The following ATG4B variants were observed in gnomAD, a reference collection of about 807,000 sequenced individuals.
ATG4B encodes the protein autophagy related 4B cysteine peptidase.
A neutral mutation model predicts 56.6 loss-of-function variants in ATG4B; 29 were observed. That is an observed-to-expected ratio of 0.51 (90% confidence interval 0.38 to 0.70). The LOEUF (loss-of-function observed/expected upper bound fraction) is 0.70. ATG4B is among the 30% of genes least tolerant of loss of function. ATG4B has a pLI of 0.00. For missense variants in ATG4B, 461 were observed against 515.5 expected (o/e 0.89, Z 1.02); for synonymous variants, 224 against 206.1 (o/e 1.09, Z -0.74).
intron 8 of ATG4B, among the ~76,000 whole-genome samples, chr2:241,667,166 C>A (rs1211362178): frequency 6.6e-6 from 1 of 152,180 alleles, no homozygotes. Flanking sequence ...GTGCCCCAGG[C>A]ATGCCCACCC....
chr2:241,643,604 ATATATATACG>A (rs1234494990), intron 1 of ATG4B, among the ~76,000 whole-genome samples: 4 of 147,968 alleles, frequency 2.7e-5, no homozygotes, highest in East Asian at 1.9e-4. Context: ...ATATATAAAC[ATATATATACG>A]TATATATACA....
At chr2:241,655,463 C>T (rs1239320690) in intron 6 of ATG4B, 120 bp downstream of exon 6, 4 of 1,002,070 alleles carry the variant, frequency 4.0e-6, no homozygotes, top group Non-Finnish European at 6.0e-6. Context: ...TACTTCATGG[C>T]CCTCAGAAGG....
In ATG4B at chr2:241,665,798, C is replaced by T. The variant is rs1049485138; in HGVS notation, c.539-847C>T. ...TTTTCTAGCCTGTCCTTTCCTTTCA[C>T]GTTTATTGGTTGGCGTTCTGAGAAG... On this transcript the variant is annotated intron_variant, in intron 7 of 12. Transcript: ENST00000404914. 1.1e-4 allele frequency among the ~76,000 whole-genome samples: 17 copies of T among 152,334 alleles called. 1 individual carries two copies. The South Asian group carries it at 2.5e-3, about 22-fold the overall frequency.
intron 8 of ATG4B, chr2:241,667,802 C>T (rs1273211053): frequency 1.9e-5 from 5 of 258,106 alleles, no homozygotes; most frequent in Non-Finnish European, 3.0e-5. Flanking sequence ...ACATAGGCCC[C>T]GTCTCCATCG....
rs2068797067 is a variant in ATG4B at position 241,666,943 on chromosome 2, C to T, written c.732+105C>T. ...CACGTGGCCATTTGTGCAGCCGGCT[C>T]TCGGGGGAGGGGTAAACAACCCTGG... On this transcript the variant is annotated intron_variant, in intron 8 of 12. Transcript: ENST00000404914. 3 of 1,348,218 alleles carry T rather than the reference C, an allele frequency of 2.2e-6. No homozygotes were observed. The African/African-American group carries it at 4.3e-5, about 20-fold the overall frequency. 83.5% of individuals were successfully genotyped at this position (1,348,218 alleles called of 1,614,324 possible).
chr2:241,664,511 C>G (rs1048935156), intron 7 of ATG4B, among the ~76,000 whole-genome samples: 1 of 152,166 alleles, frequency 6.6e-6, no homozygotes, highest in Non-Finnish European at 1.5e-5. Context: ...TCACTCCAGC[C>G]TGGGTGACAC....
In ATG4B at chr2:241,664,337, G is replaced by A. The variant is rs868107420; in HGVS notation, c.539-2308G>A. Among the ~76,000 whole-genome samples the A allele has an allele frequency of 7.3e-5, 11 of 151,698 alleles. No individual in the cohort carries two copies. The South Asian group carries it at 8.3e-4, about 11-fold the overall frequency. ...TGAGTCCAGGAGTTTGAGACCAGCC[G>A]CCTAGGTAACATGGTAAAACCTCAT... On this transcript the variant is annotated intron_variant, in intron 7 of 12. Coordinates refer to ENST00000404914, the MANE Select transcript of ATG4B (RefSeq NM_013325.5).
Position 241,642,109 on chromosome 2 carries a change from A to G in ATG4B, c.10+4385A>G, listed in dbSNP as rs144406129. Among the ~76,000 whole-genome samples the G allele has an allele frequency of 4.7e-3, 711 of 151,542 alleles. 3 individuals are homozygous for G. Among genetic ancestry groups the G allele is most frequent in the Middle Eastern group, 0.01 (3 of 292 alleles). ...TCAAAGCTTTCAGTTTGTAGAGTTTAACATAAATCCAGTATGTTAGCATAA... is the reference window on the plus strand; with the variant it reads ...TCAAAGCTTTCAGTTTGTAGAGTTTGACATAAATCCAGTATGTTAGCATAA... On this transcript the variant is annotated intron_variant, in intron 1 of 12. Coordinates refer to ENST00000404914, the MANE Select transcript of ATG4B (RefSeq NM_013325.5).
intron 1 of ATG4B, among the ~76,000 whole-genome samples, chr2:241,643,430 C>G (rs940396367): frequency 6.9e-6 from 1 of 145,490 alleles, no homozygotes; most frequent in African/African-American, 2.6e-5. Context: ...TGGTCTCAAA[C>G]TCCTGGGCTC....
At chr2:241,660,604 A>G (rs2068561480) in intron 7 of ATG4B, among the ~76,000 whole-genome samples, 1 of 152,204 alleles carries the variant, frequency 6.6e-6, no homozygotes, top group Non-Finnish European at 1.5e-5. Context: ...GAAGAGTACA[A>G]AGAAAGAGAA....
intron 11 of ATG4B, 24 bp downstream of exon 11, chr2:241,670,806 A>G: frequency 6.3e-7 from 1 of 1,593,546 alleles, no homozygotes; most frequent in Non-Finnish European, 8.5e-7. Flanking sequence ...CCACACCCAC[A>G]GCCGAGCTGA....
Position 241,668,036 on chromosome 2 carries a change from T to C in ATG4B, c.733-107T>C, listed in dbSNP as rs62190299. On this transcript the variant is annotated intron_variant, in intron 8 of 12. Transcript: ENST00000404914. This position sits in a 1 kb window ranked among gnomAD's most constrained non-coding sequence, Gnocchi z 4.2. The stretch of plus-strand genomic sequence containing the variant: ...CCATGTCCCCTCCTGTCCCCTCTTG[T>C]GTCACCCAGTTGGGCCTCAGCAGGC... The C allele has an allele frequency of 0.23, 240,185 of 1,055,834 alleles. 28,404 individuals are homozygous for C. Among genetic ancestry groups the C allele is most frequent in the East Asian group, 0.26 (10,145 of 38,328 alleles). The allele number at this position is 1,055,834 out of a possible 1,614,324, so 65.4% of individuals were successfully genotyped here.
rs906920040 is a variant in ATG4B, at chr2:241,668,866, C to T, written c.957+181C>T. ...ACTGTGTCCTTGCACCCTCACGTCC[C>T]TCCCCCAGGCACCACCTCCTGTGCA... is the stretch of plus-strand genomic sequence containing the variant. On this transcript the variant is annotated intron_variant, in intron 10 of 12. Coordinates refer to ENST00000404914, the MANE Select transcript of ATG4B (RefSeq NM_013325.5). The surrounding 1 kb of genome is among the most constrained non-coding windows in gnomAD (Gnocchi z 4.2). 2 of 842,104 alleles carry T rather than the reference C, an allele frequency of 2.4e-6. No homozygotes were observed. The highest frequency in any genetic ancestry group is 2.9e-5 in the Admixed American group (1 of 34,388). The allele number at this position is 842,104 out of a possible 1,614,324, so 52.2% of individuals were successfully genotyped here.
chr2:241,658,734 G>A (rs752351799), intron 6 of ATG4B, among the ~76,000 whole-genome samples: 4 of 152,234 alleles, frequency 2.6e-5, no homozygotes, highest in African/African-American at 4.8e-5. Context: ...AGAGCAGAGC[G>A]TGAAGGTGCT....
rs1462984563 is a variant in ATG4B at position 241,653,525 on chromosome 2, C to T, written c.198C>T (p.Pro66=). The change falls in exon 4 of 13, where the codon CCC becomes CCT. Residue 66 remains proline (P), a synonymous_variant. Transcript: ENST00000404914. ...KNFPAIGGTG[P]TSDTGWGCML... Reference sequence around the variant, plus strand: ...CTGCCACGACAGGGGGGACAGGCCCCACCTCGGACACAGGCTGGGGCTGCA... The same window carrying T: ...CTGCCACGACAGGGGGGACAGGCCCTACCTCGGACACAGGCTGGGGCTGCA... 2.5e-6 allele frequency: 4 copies of T among 1,580,786 alleles called. No individual in the cohort carries two copies. The highest frequency in any genetic ancestry group is 1.7e-4 in the Middle Eastern group (1 of 6,032).
chr2:241,673,028 C>G lies in ATG4B; in HGVS notation c.*764C>G. On this transcript the variant is annotated 3_prime_UTR_variant, in exon 13 of 13. Coordinates refer to ENST00000404914, the MANE Select transcript of ATG4B (RefSeq NM_013325.5). The stretch of plus-strand genomic sequence containing the variant: ...CTGTGGCATTCTGTGGCAGCTTCCC[C>G]AGGTGTGGTGACGGGGGGGGGGCGG... 1 of 104,040 alleles carries G rather than the reference C, an allele frequency of 9.6e-6. No individual in the cohort carries two copies. The highest frequency in any genetic ancestry group is 2.3e-4 in the South Asian group (1 of 4,264). The allele number at this position is 104,040 out of a possible 1,614,324, so 6.4% of individuals were successfully genotyped here.
intron 10 of ATG4B, among the ~76,000 whole-genome samples, chr2:241,670,409 C>T (rs2068926932): frequency 6.6e-6 from 1 of 152,110 alleles, no homozygotes. Context: ...CCCCACTTGG[C>T]CCTAACTCAT....
At chr2:241,666,411 C>T (rs1473468225) in intron 7 of ATG4B, among the ~76,000 whole-genome samples, 1 of 152,228 alleles carries the variant, frequency 6.6e-6, no homozygotes, top group African/African-American at 2.4e-5. Context: ...TGCTTTATTT[C>T]ACAATAAAAC....
At chr2:241,664,475 C>G (rs1165674467) in intron 7 of ATG4B, among the ~76,000 whole-genome samples, 2 of 152,166 alleles carry the variant, frequency 1.3e-5, no homozygotes, top group Non-Finnish European at 2.9e-5. Flanking sequence ...GAGGTTGAGG[C>G]TGCAGTGAGA....
Sources: gnomAD v4.1 joint callset for allele counts (sites outside exome capture counted in the v4.1 genomes callset) on GRCh38, gnomAD v4.1.1 for gene constraint, Gnocchi (gnomAD v3.1) non-coding constraint, MANE v1.5 for transcripts, NCBI Gene and HGNC (gene_info 2026-07-23, HGNC 2026-07-21) for gene names.